Variants in CDKAL1 observed in about 807,000 individuals in gnomAD.
The protein encoded by CDKAL1 is threonylcarbamoyladenosine tRNA methylthiotransferase.
Under a neutral mutation model 68.2 loss-of-function variants are expected in CDKAL1, and 32 were observed. The observed-to-expected ratio is 0.47, with a 90% CI of 0.35 to 0.63. The LOEUF is 0.63. Among genes scored for constraint, CDKAL1 ranks in the 30% least tolerant of loss-of-function variants. The pLI is 0.00. For synonymous variants in CDKAL1, 234 were observed against 244.3 expected, an observed-to-expected ratio of 0.96 and a Z score of 0.39; for missense variants, 606 against 696.7, an observed-to-expected ratio of 0.87 and a Z score of 1.47.
At chr6:20,812,528 A>G (rs745983299) in intron 8 of CDKAL1, among the ~76,000 whole-genome samples, 9 of 152,172 alleles carry the variant, frequency 5.9e-5, no homozygotes, top group South Asian at 2.1e-4. Flanking sequence ...TTGCTATTTT[A>G]TAACTCATTC....
At chr6:20,938,356 A>T (rs76196317) in intron 9 of CDKAL1, among the ~76,000 whole-genome samples, 1 of 152,022 alleles carries the variant, frequency 6.6e-6, no homozygotes, top group African/African-American at 2.4e-5. Flanking sequence ...AGCAATTCTT[A>T]TACTTTATGT....
At chr6:20,847,556 T>C (rs912154124) in intron 9 of CDKAL1, among the ~76,000 whole-genome samples, 2 of 152,218 alleles carry the variant, frequency 1.3e-5, no homozygotes, top group Non-Finnish European at 2.9e-5. Context: ...ATAATTTTTT[T>C]AAAAATCTAT....
In CDKAL1 at chr6:20,721,725, G is replaced by GTTTTTTTTTTTTTTTTTT. The variant is rs145893325; in HGVS notation, c.372-17786_372-17769dup. Among the ~76,000 whole-genome samples, 15 of 67,384 alleles carry GTTTTTTTTTTTTTTTTTT rather than the reference G, an allele frequency of 2.2e-4. 1 individual carries two copies. The highest frequency in any genetic ancestry group is 3.7e-4 in the Non-Finnish European group (14 of 37,686). 44.2% of individuals were successfully genotyped at this position (67,384 alleles called of 152,430 possible). ...CTTCTCTGCACCCTGACCAACTTCT[G>GTTTTTTTTTTTTTTTTTT]TTTTTTTTTTTTTTTTTTTTTTTTT... On this transcript the variant is annotated intron_variant, in intron 5 of 15. Transcript: ENST00000274695.
In CDKAL1 at chr6:20,578,507, A is replaced by T. The variant is rs536835005; in HGVS notation, c.286+29802A>T. On this transcript the variant is annotated intron_variant, in intron 4 of 15. Coordinates refer to ENST00000274695, the MANE Select transcript of CDKAL1 (RefSeq NM_017774.3). ...CCATGTTGTTGCATGTATAAATTCG[A>T]TTTGCTTCTAGCAACAGAAATGTGT... 2.0e-5 allele frequency among the ~76,000 whole-genome samples: 3 copies of T among 152,312 alleles called. No homozygotes were observed. The East Asian group carries it at 5.8e-4, about 29-fold the overall frequency.
At chr6:20,956,617 A>G (rs539415510) in intron 10 of CDKAL1, among the ~76,000 whole-genome samples, 1 of 152,320 alleles carries the variant, frequency 6.6e-6, no homozygotes, top group Admixed American at 6.5e-5. Flanking sequence ...GCTAAAAGCA[A>G]CCACTGCTGC....
At chr6:20,918,545 T>C (rs1049787773) in intron 9 of CDKAL1, among the ~76,000 whole-genome samples, 5 of 152,238 alleles carry the variant, frequency 3.3e-5, no homozygotes, top group African/African-American at 1.2e-4. Context: ...CTCATTCTTG[T>C]ACATCACAAA....
chr6:21,150,875 A>T (rs1776381992), intron 13 of CDKAL1, among the ~76,000 whole-genome samples: 1 of 152,150 alleles, frequency 6.6e-6, no homozygotes, highest in Non-Finnish European at 1.5e-5. Flanking sequence ...TTCTACAGAT[A>T]TTTTCTATCA....
At chr6:20,874,993 A>G (rs1316938245) in intron 9 of CDKAL1, among the ~76,000 whole-genome samples, 1 of 151,860 alleles carries the variant, frequency 6.6e-6, no homozygotes, top group Non-Finnish European at 1.5e-5. Context: ...AGGGTTAAAG[A>G]GTTTCAGAAT....
At chr6:20,944,838 C>G (rs2150704956) in intron 9 of CDKAL1, among the ~76,000 whole-genome samples, 1 of 152,204 alleles carries the variant, frequency 6.6e-6, no homozygotes, top group East Asian at 1.9e-4. Context: ...GTTGACATTA[C>G]CTGCAAATGT....
chr6:21,053,300 A>T (rs1770642247), intron 11 of CDKAL1, among the ~76,000 whole-genome samples: 2 of 152,234 alleles, frequency 1.3e-5, no homozygotes, highest in African/African-American at 4.8e-5. Flanking sequence ...ATATATCAGT[A>T]GTTGGCTCTT....
chr6:20,888,632 G>C (rs920406719), intron 9 of CDKAL1, among the ~76,000 whole-genome samples: 20 of 141,956 alleles, frequency 1.4e-4, no homozygotes, highest in African/African-American at 4.2e-4. Flanking sequence ...TTGGTTTTTT[G>C]TCCTTGTGAT....
At chr6:20,930,937 G>T (rs948704604) in intron 9 of CDKAL1, among the ~76,000 whole-genome samples, 1 of 150,036 alleles carries the variant, frequency 6.7e-6, no homozygotes, top group East Asian at 2.0e-4. Context: ...TAGAGACGGG[G>T]TTTCACCATG....
chr6:20,711,002 T>A (rs1771819035), intron 5 of CDKAL1, among the ~76,000 whole-genome samples: 1 of 152,184 alleles, frequency 6.6e-6, no homozygotes, highest in Non-Finnish European at 1.5e-5. Flanking sequence ...AAAATGTCTA[T>A]TTCTTTTCAT....
At chr6:20,876,774 G>T (rs1760540419) in intron 9 of CDKAL1, among the ~76,000 whole-genome samples, 1 of 152,048 alleles carries the variant, frequency 6.6e-6, no homozygotes, top group African/African-American at 2.4e-5. Flanking sequence ...GTTTTCTTTT[G>T]AGTATTTGCT....
At chr6:20,976,519 A>T (rs1765854776) in intron 10 of CDKAL1, among the ~76,000 whole-genome samples, 1 of 152,176 alleles carries the variant, frequency 6.6e-6, no homozygotes, top group Non-Finnish European at 1.5e-5. Flanking sequence ...AAAACTTTTT[A>T]TTGTGGTATA....
intron 12 of CDKAL1, among the ~76,000 whole-genome samples, chr6:21,072,917 A>G (rs1771870799): frequency 6.6e-6 from 1 of 152,136 alleles, no homozygotes; most frequent in Non-Finnish European, 1.5e-5. Flanking sequence ...ATGTGAAATG[A>G]CAAGCATCCA....
At chr6:20,807,255 C>T (rs888063270) in intron 8 of CDKAL1, among the ~76,000 whole-genome samples, 19 of 151,582 alleles carry the variant, frequency 1.3e-4, no homozygotes, top group African/African-American at 4.4e-4. Flanking sequence ...CGGAGTCTCG[C>T]TGTGTTGCCC....
At chr6:21,177,351 C>T (rs13219281) in intron 13 of CDKAL1, among the ~76,000 whole-genome samples, 5 of 152,130 alleles carry the variant, frequency 3.3e-5, no homozygotes, top group African/African-American at 1.2e-4. Context: ...TCCTACTCCC[C>T]ATCCGCCCTT....
intron 9 of CDKAL1, among the ~76,000 whole-genome samples, chr6:20,908,051 G>A (rs1451112749): frequency 1.3e-5 from 2 of 152,158 alleles, no homozygotes; most frequent in African/African-American, 4.8e-5. Context: ...AACTTGTGCA[G>A]ATTTCTTCTA....
Sources: gnomAD v4.1 joint callset for allele counts (sites outside exome capture counted in the v4.1 genomes callset) on GRCh38, gnomAD v4.1.1 for gene constraint, MANE v1.5 for transcripts, NCBI Gene and HGNC (gene_info 2026-07-23, HGNC 2026-07-21) for gene names.